Variants in SEMA5A observed in about 807,000 individuals in gnomAD.
SEMA5A encodes semaphorin-5A.
Under a neutral mutation model 135.5 loss-of-function variants are expected in SEMA5A, and 55 were observed. The observed-to-expected ratio is 0.41, with a 90% confidence interval of 0.33 to 0.51. SEMA5A has a LOEUF of 0.51. Ranked by LOEUF, SEMA5A falls within the 20% of genes least tolerant of loss-of-function variation. SEMA5A has a pLI of 0.37. For missense variants in SEMA5A, 1,290 were observed against 1,419.9 expected, an observed-to-expected ratio of 0.91 and a Z score of 1.47; for synonymous variants, 580 against 546.5, an observed-to-expected ratio of 1.06 and a Z score of -0.85.
intron 11 of SEMA5A, among the ~76,000 whole-genome samples, chr5:9,158,700 G>A (rs1431213389): frequency 6.6e-6 from 1 of 152,082 alleles, no homozygotes; most frequent in Non-Finnish European, 1.5e-5. Flanking sequence ...ACACAAATCT[G>A]AGTGTCATCT....
At chr5:9,222,067 G>A (rs1447645834) in intron 8 of SEMA5A, among the ~76,000 whole-genome samples, 2 of 152,188 alleles carry the variant, frequency 1.3e-5, no homozygotes, top group Non-Finnish European at 2.9e-5. Context: ...CCCTGGGGCT[G>A]GATTTGGTGG....
At chr5:9,536,782 CT>C (rs1433818845) in intron 1 of SEMA5A, among the ~76,000 whole-genome samples, 1 of 152,148 alleles carries the variant, frequency 6.6e-6, no homozygotes, top group Non-Finnish European at 1.5e-5. Context: ...AAATATTAAA[CT>C]TAAATAAAAT....
chr5:9,369,568 A>G (rs910826830), intron 3 of SEMA5A, among the ~76,000 whole-genome samples: 1 of 152,062 alleles, frequency 6.6e-6, no homozygotes, highest in Non-Finnish European at 1.5e-5. Flanking sequence ...GAGATATACC[A>G]TTTTTCCAGT....
intron 2 of SEMA5A, among the ~76,000 whole-genome samples, chr5:9,429,798 G>A (rs1362541925): frequency 6.6e-6 from 1 of 152,186 alleles, no homozygotes; most frequent in East Asian, 1.9e-4. Context: ...TGGTGCTTGG[G>A]AGAGAAAGAT....
chr5:9,399,366 T>C (rs545725314), intron 2 of SEMA5A, among the ~76,000 whole-genome samples: 2 of 152,274 alleles, frequency 1.3e-5, no homozygotes, highest in East Asian at 1.9e-4. Context: ...TCAGGCACAA[T>C]AGGCCACACA....
Position 9,154,045 on chromosome 5 carries a change from CAAAAAAAA to C in SEMA5A, c.1481+435_1481+442del, listed in dbSNP as rs1157417525. 5.4e-3 allele frequency among the ~76,000 whole-genome samples: 183 copies of C among 34,184 alleles called. 1 individual carries two copies. Among genetic ancestry groups the C allele is most frequent in the East Asian group, 0.027 (25 of 916 alleles). The allele number at this position is 34,184 out of a possible 152,430, so 22.4% of individuals were successfully genotyped here. On this transcript the variant is annotated intron_variant, in intron 12 of 22. Transcript: ENST00000382496. Reference sequence around the variant, plus strand: ...TGGGTGACAGAGTGAGACTGTGTCTCAAAAAAAAAAAAAAAAAATATATATATATATAT... The same window carrying C: ...TGGGTGACAGAGTGAGACTGTGTCTCAAAAAAAAAATATATATATATATAT...
At chr5:9,300,919 A>G (rs1330469794) in intron 5 of SEMA5A, among the ~76,000 whole-genome samples, 2 of 152,200 alleles carry the variant, frequency 1.3e-5, no homozygotes, top group Admixed American at 6.5e-5. Context: ...AGCCCTGCTG[A>G]TATCTCAGTT....
intron 2 of SEMA5A, among the ~76,000 whole-genome samples, chr5:9,407,787 T>C (rs1756943816): frequency 6.6e-6 from 1 of 152,128 alleles, no homozygotes; most frequent in Admixed American, 6.6e-5. Context: ...GCCTGCCAGA[T>C]TCCTTTAAGC....
intron 16 of SEMA5A, among the ~76,000 whole-genome samples, chr5:9,078,529 A>G (rs1220397113): frequency 6.6e-6 from 1 of 152,060 alleles, no homozygotes; most frequent in Non-Finnish European, 1.5e-5. Context: ...GAAGGACAAA[A>G]AAAAAAAGTG....
At chr5:9,496,838 A>C (rs180675571) in intron 1 of SEMA5A, among the ~76,000 whole-genome samples, 1 of 152,326 alleles carries the variant, frequency 6.6e-6, no homozygotes, top group Admixed American at 6.5e-5. Context: ...CAATTTACAG[A>C]TAAGTCTATG....
At chr5:9,098,702 C>A (rs1739462755) in intron 16 of SEMA5A, among the ~76,000 whole-genome samples, 1 of 152,116 alleles carries the variant, frequency 6.6e-6, no homozygotes, top group Non-Finnish European at 1.5e-5. Flanking sequence ...ACTGCCTACT[C>A]GTGTAGGCCT....
intron 16 of SEMA5A, among the ~76,000 whole-genome samples, chr5:9,069,512 C>T (rs1042917746): frequency 6.6e-6 from 1 of 152,282 alleles, no homozygotes; most frequent in South Asian, 2.1e-4. Flanking sequence ...CCAACTTTAC[C>T]TGGGAACCTA....
Position 9,455,022 on chromosome 5 carries a change from A to T in SEMA5A, c.-174-17170T>A, listed in dbSNP as rs115601796. On this transcript the variant is annotated intron_variant, in intron 1 of 22. Coordinates refer to ENST00000382496, the MANE Select transcript of SEMA5A (RefSeq NM_003966.3). ...AAAAAATCTAAGTTGGTAGTCTCCA[A>T]AAATGGATTCATGAAGAAAATCAGA... Among the ~76,000 whole-genome samples the T allele has an allele frequency of 3.5e-3, 528 of 152,286 alleles. 4 individuals are homozygous for T. Among genetic ancestry groups the T allele is most frequent in the African/African-American group, 0.012 (495 of 41,570 alleles).
intron 2 of SEMA5A, among the ~76,000 whole-genome samples, chr5:9,381,966 G>A (rs1755631935): frequency 7.8e-6 from 1 of 128,764 alleles, no homozygotes; most frequent in Non-Finnish European, 1.7e-5. Flanking sequence ...GTGTGTGTGT[G>A]TGTGTGTGTG....
rs139323753 is a variant in SEMA5A, at chr5:9,464,852, C to A, written c.-174-27000G>T. On this transcript the variant is annotated intron_variant, in intron 1 of 22. Coordinates refer to ENST00000382496, the MANE Select transcript of SEMA5A (RefSeq NM_003966.3). Reference sequence around the variant, plus strand: ...TAAAGCACTCAGGTCTCTTTTGGAGCAGATGCCAGTGGCAAGTCTCACAGC... The same window carrying A: ...TAAAGCACTCAGGTCTCTTTTGGAGAAGATGCCAGTGGCAAGTCTCACAGC... Among the ~76,000 whole-genome samples, 244 of 152,358 alleles carry A rather than the reference C, an allele frequency of 1.6e-3. 2 individuals are homozygous for A. Among genetic ancestry groups the A allele is most frequent in the African/African-American group, 5.7e-3 (238 of 41,588 alleles).
At chr5:9,458,448 T>C (rs935755309) in intron 1 of SEMA5A, among the ~76,000 whole-genome samples, 3 of 152,162 alleles carry the variant, frequency 2.0e-5, no homozygotes, top group Non-Finnish European at 2.9e-5. Flanking sequence ...CCAATGACAC[T>C]CCTTCATCAA....
chr5:9,246,473 A>T (rs969959597), intron 5 of SEMA5A, among the ~76,000 whole-genome samples: 1 of 152,020 alleles, frequency 6.6e-6, no homozygotes, highest in African/African-American at 2.4e-5. Flanking sequence ...CATCACATGG[A>T]TGATGCCATC....
At chr5:9,273,800 G>T (rs1176913472) in intron 5 of SEMA5A, among the ~76,000 whole-genome samples, 1 of 152,076 alleles carries the variant, frequency 6.6e-6, no homozygotes, top group Non-Finnish European at 1.5e-5. Context: ...GAGAGATTTT[G>T]TCACCACCAG....
At chr5:9,462,135 T>C (rs530629727) in intron 1 of SEMA5A, among the ~76,000 whole-genome samples, 1 of 152,230 alleles carries the variant, frequency 6.6e-6, no homozygotes, top group African/African-American at 2.4e-5. Context: ...CTAAACAAAA[T>C]GTTCACCAAG....
Sources: gnomAD v4.1 joint callset for allele counts (sites outside exome capture counted in the v4.1 genomes callset) on GRCh38, gnomAD v4.1.1 for gene constraint, MANE v1.5 for transcripts, NCBI Gene and HGNC (gene_info 2026-07-23, HGNC 2026-07-21) for gene names.